DOCK1: variants seen among roughly 807,000 people sequenced by gnomAD.
DOCK1 encodes dedicator of cytokinesis 1, also known as dedicator of cytokinesis protein 1.
Under a neutral mutation model 262.7 loss-of-function variants are expected in DOCK1, and 138 were observed. The observed-to-expected ratio is 0.53, with a 90% CI of 0.46 to 0.61. DOCK1 has a LOEUF of 0.61. Ranked by LOEUF, DOCK1 falls within the 20% of genes least tolerant of loss-of-function variation. The probability of loss-of-function intolerance (pLI) is 0.00; values close to 1 mark genes in which losing one functional copy is unlikely to be tolerated. For missense variants in DOCK1, 1,908 were observed against 2,370.7 expected (o/e 0.80, Z 4.05); for synonymous variants, 866 against 867.4 (o/e 1.00, Z 0.03).
chr10:127,315,859 G>A (rs978277054), intron 29 of DOCK1, among the ~76,000 whole-genome samples: 14 of 151,872 alleles, frequency 9.2e-5, no homozygotes, highest in East Asian at 3.9e-4. Flanking sequence ...CCCCCATGCC[G>A]GGCCAATTTT....
intron 27 of DOCK1, among the ~76,000 whole-genome samples, chr10:127,246,106 GA>G (rs569855277): frequency 5.9e-4 from 90 of 152,276 alleles, no homozygotes; most frequent in South Asian, 1.9e-3. Flanking sequence ...AAGCGTAGAG[GA>G]AAGTGAATCT....
intron 43 of DOCK1, among the ~76,000 whole-genome samples, chr10:127,411,430 G>T (rs1259405501): frequency 6.6e-6 from 1 of 152,092 alleles, no homozygotes; most frequent in Non-Finnish European, 1.5e-5. Flanking sequence ...CTAGCAATAC[G>T]GACCGGGTTA....
intron 1 of DOCK1, among the ~76,000 whole-genome samples, chr10:126,958,140 T>C (rs1383582895): frequency 6.6e-6 from 1 of 152,222 alleles, no homozygotes; most frequent in Non-Finnish European, 1.5e-5. Context: ...TATAGAATTA[T>C]ATAAAAGTCA....
intron 28 of DOCK1, among the ~76,000 whole-genome samples, chr10:127,249,768 A>T (rs1424411043): frequency 6.6e-6 from 1 of 152,234 alleles, no homozygotes; most frequent in Non-Finnish European, 1.5e-5. Context: ...GTTATTACGC[A>T]GCACGTGACT....
intron 12 of DOCK1, chr10:127,014,915 AG>A (rs1297854769): frequency 6.6e-6 from 1 of 152,216 alleles, no homozygotes; most frequent in Admixed American, 6.5e-5. Context: ...AATTAGAAAA[AG>A]GGGCCTCATC....
intron 27 of DOCK1, among the ~76,000 whole-genome samples, chr10:127,139,046 G>C (rs1229661232): frequency 1.3e-5 from 2 of 152,166 alleles, no homozygotes; most frequent in East Asian, 1.9e-4. Context: ...TCTGCGTTCT[G>C]GGCCAGGCCT....
chr10:126,971,930 T>C (rs1208626705), intron 2 of DOCK1, among the ~76,000 whole-genome samples: 2 of 152,250 alleles, frequency 1.3e-5, no homozygotes, highest in East Asian at 3.9e-4. Flanking sequence ...TTTTTGTTTT[T>C]TTTGAGACGG....
intron 1 of DOCK1, among the ~76,000 whole-genome samples, chr10:126,939,059 G>C (rs1410691569): frequency 4.0e-5 from 4 of 100,900 alleles, no homozygotes; most frequent in African/African-American, 1.1e-4. Context: ...ATGAACACCG[G>C]GGGGGGGACG....
At chr10:127,329,199 G>A (rs148840882) in intron 29 of DOCK1, among the ~76,000 whole-genome samples, 16 of 152,194 alleles carry the variant, frequency 1.1e-4, no homozygotes, top group East Asian at 1.9e-4. Flanking sequence ...CCTACACCCC[G>A]GCAAGCAGAG....
At chr10:127,387,435 G>A (rs373785712) in intron 38 of DOCK1, among the ~76,000 whole-genome samples, 4 of 152,294 alleles carry the variant, frequency 2.6e-5, no homozygotes, top group African/African-American at 9.6e-5. Flanking sequence ...TTACTTTGTG[G>A]TAGAGGACCA....
chr10:127,134,383 C>G (rs2050518345), intron 27 of DOCK1, among the ~76,000 whole-genome samples: 1 of 152,208 alleles, frequency 6.6e-6, no homozygotes, highest in Non-Finnish European at 1.5e-5. Flanking sequence ...AACTAACTGC[C>G]TCTCAGGGTA....
chr10:127,006,214 G>C (rs2041007975), intron 10 of DOCK1, among the ~76,000 whole-genome samples: 1 of 152,164 alleles, frequency 6.6e-6, no homozygotes, highest in Non-Finnish European at 1.5e-5. Context: ...CCCACCAGTG[G>C]GACTGAGCCA....
chr10:127,099,027 C>T (rs1009328373), intron 23 of DOCK1, among the ~76,000 whole-genome samples: 2 of 152,292 alleles, frequency 1.3e-5, no homozygotes, highest in Middle Eastern at 3.4e-3. Context: ...TGGAACCCTC[C>T]TGCCAAGGAA....
intron 25 of DOCK1, among the ~76,000 whole-genome samples, chr10:127,124,634 T>A (rs558796211): frequency 1.8e-4 from 28 of 152,324 alleles, no homozygotes; most frequent in African/African-American, 6.0e-4. Flanking sequence ...ATCCCTTCAT[T>A]TTATAGCCAT....
chr10:127,251,004 C>G (rs1335258865), intron 28 of DOCK1, among the ~76,000 whole-genome samples: 1 of 151,818 alleles, frequency 6.6e-6, no homozygotes, highest in Non-Finnish European at 1.5e-5. Context: ...CTCTTGTTGC[C>G]CAGGCTGGAG....
intron 1 of DOCK1, among the ~76,000 whole-genome samples, chr10:126,960,809 C>T (rs904440476): frequency 0.022 from 2,890 of 129,152 alleles, 97 homozygotes; most frequent in African/African-American, 0.079. Context: ...CACACACACA[C>T]ATAGATATAT....
At chr10:127,287,685 T>A (rs2061208476) in intron 29 of DOCK1, among the ~76,000 whole-genome samples, 1 of 152,172 alleles carries the variant, frequency 6.6e-6, no homozygotes, top group South Asian at 2.1e-4. Context: ...TTGTTGTTGT[T>A]TTTTAGCAAG....
intron 27 of DOCK1, among the ~76,000 whole-genome samples, chr10:127,212,202 G>A (rs2058012223): frequency 6.6e-6 from 1 of 152,032 alleles, no homozygotes; most frequent in Non-Finnish European, 1.5e-5. Flanking sequence ...TTTACAAGGC[G>A]GCTTTCCGTG....
intron 27 of DOCK1, among the ~76,000 whole-genome samples, chr10:127,150,839 G>A (rs540243740): frequency 1.3e-5 from 2 of 152,266 alleles, no homozygotes; most frequent in Admixed American, 6.5e-5. Context: ...ACAGGACTTT[G>A]CTCCACTTTA....
Sources: gnomAD v4.1 joint callset for allele counts (sites outside exome capture counted in the v4.1 genomes callset) on GRCh38, gnomAD v4.1.1 for gene constraint, MANE v1.5 for transcripts, NCBI Gene and HGNC (gene_info 2026-07-23, HGNC 2026-07-21) for gene names.